The following KLF12 variants were observed in gnomAD, a reference collection of about 807,000 sequenced individuals.
KLF12 encodes KLF transcription factor 12, also known as Krueppel-like factor 12.
A neutral mutation model predicts 37.8 loss-of-function variants in KLF12; 9 were observed. The ratio of observed to expected loss-of-function variants is 0.24; its 90% CI spans 0.14 to 0.42. The LOEUF (loss-of-function observed/expected upper bound fraction) is 0.42. KLF12 is among the 10% of genes least tolerant of loss of function. The pLI, the probability that KLF12 is intolerant of heterozygous loss-of-function variation, is 1.00. For missense variants in KLF12, 411 were observed against 516.0 expected, an observed-to-expected ratio of 0.80 and a Z score of 1.97; for synonymous variants, 208 against 202.1, an observed-to-expected ratio of 1.03 and a Z score of -0.25.
chr13:73,760,855 G>A (rs1434875030), intron 6 of KLF12, among the ~76,000 whole-genome samples: 1 of 152,084 alleles, frequency 6.6e-6, no homozygotes, highest in Non-Finnish European at 1.5e-5. Context: ...AAAAGAAAGT[G>A]AAAATCTAAA....
At chr13:73,796,976 GT>G (rs1218125449) in intron 5 of KLF12, among the ~76,000 whole-genome samples, 9 of 152,122 alleles carry the variant, frequency 5.9e-5, no homozygotes, top group African/African-American at 2.2e-4. Flanking sequence ...CTAACTGGTG[GT>G]AAAAGGCATC....
intron 3 of KLF12, among the ~76,000 whole-genome samples, chr13:73,894,164 C>T (rs542271289): frequency 8.5e-5 from 13 of 152,174 alleles, no homozygotes; most frequent in African/African-American, 2.6e-4. Flanking sequence ...AGCAAGCAGA[C>T]GGGACATAGT....
intron 4 of KLF12, among the ~76,000 whole-genome samples, chr13:73,815,513 T>A (rs1883167471): frequency 6.6e-6 from 1 of 152,186 alleles, no homozygotes; most frequent in Non-Finnish European, 1.5e-5. Context: ...TAGCTTCTTT[T>A]GGGGCAATCC....
chr13:74,179,333 A>G, the KLF12 span, among the ~76,000 whole-genome samples: 1 of 152,230 alleles, frequency 6.6e-6, no homozygotes, highest in Non-Finnish European at 1.5e-5. Flanking sequence ...TATGTTCAAT[A>G]TGAATGGTTG....
At chr13:74,264,286 A>G in the KLF12 span, among the ~76,000 whole-genome samples, 1 of 152,206 alleles carries the variant, frequency 6.6e-6, no homozygotes, top group Non-Finnish European at 1.5e-5. Flanking sequence ...CAAATATTAA[A>G]TTCTTGGGTC....
intron 1 of KLF12, among the ~76,000 whole-genome samples, chr13:74,057,895 C>T (rs1024986197): frequency 6.6e-6 from 1 of 151,200 alleles, no homozygotes; most frequent in South Asian, 2.1e-4. Context: ...CAGATGAAAA[C>T]AGAGATAGAG....
At chr13:74,020,778 C>T (rs1206963832) in intron 1 of KLF12, among the ~76,000 whole-genome samples, 1 of 151,822 alleles carries the variant, frequency 6.6e-6, no homozygotes, top group Non-Finnish European at 1.5e-5. Flanking sequence ...GTAGTCCCAG[C>T]TACTCGGGAG....
intron 3 of KLF12, among the ~76,000 whole-genome samples, chr13:73,857,976 C>A (rs1191286738): frequency 1.3e-5 from 2 of 151,908 alleles, no homozygotes; most frequent in South Asian, 4.2e-4. Flanking sequence ...TAATTTTGTC[C>A]CCCCAAAGCA....
chr13:73,820,315 T>C (rs1325580233), intron 4 of KLF12, among the ~76,000 whole-genome samples: 2 of 152,204 alleles, frequency 1.3e-5, no homozygotes, highest in East Asian at 1.9e-4. Flanking sequence ...TCAAGGTCTA[T>C]GTGGCACGTC....
At chr13:73,902,494 T>A (rs1189229427) in intron 3 of KLF12, among the ~76,000 whole-genome samples, 1 of 152,194 alleles carries the variant, frequency 6.6e-6, no homozygotes, top group Non-Finnish European at 1.5e-5. Flanking sequence ...CTTACCCAAG[T>A]TCACAGACGT....
the KLF12 span, among the ~76,000 whole-genome samples, chr13:74,233,510 T>A: frequency 6.6e-6 from 1 of 152,252 alleles, no homozygotes; most frequent in South Asian, 2.1e-4. Context: ...CCCATGCAGA[T>A]TCATAATCTG....
At chr13:74,246,525 G>C in the KLF12 span, among the ~76,000 whole-genome samples, 10 of 152,240 alleles carry the variant, frequency 6.6e-5, no homozygotes, top group African/African-American at 2.2e-4. Context: ...ACCACTCTGT[G>C]CTTCTGAGAA....
chr13:74,214,729 A>C, the KLF12 span, among the ~76,000 whole-genome samples: 1 of 151,874 alleles, frequency 6.6e-6, no homozygotes, highest in Non-Finnish European at 1.5e-5. Flanking sequence ...CAGAGATGAG[A>C]TGTGCATTAA....
At chr13:73,807,407 C>G (rs574405517) in intron 5 of KLF12, among the ~76,000 whole-genome samples, 1 of 151,974 alleles carries the variant, frequency 6.6e-6, no homozygotes, top group East Asian at 1.9e-4. Context: ...TTTTAAAGAG[C>G]ATTTATGTAA....
chr13:74,148,232 A>G, the KLF12 span, among the ~76,000 whole-genome samples: 1 of 151,822 alleles, frequency 6.6e-6, no homozygotes, highest in Admixed American at 6.6e-5. Flanking sequence ...TCACTTTTGC[A>G]TCACTAGTTT....
intron 1 of KLF12, among the ~76,000 whole-genome samples, chr13:73,999,965 C>A (rs1359293555): frequency 6.6e-6 from 1 of 152,140 alleles, no homozygotes; most frequent in African/African-American, 2.4e-5. Context: ...GGAACATCAG[C>A]CTTAACACTT....
At chr13:74,057,749 T>G (rs1873328075) in intron 1 of KLF12, among the ~76,000 whole-genome samples, 1 of 151,996 alleles carries the variant, frequency 6.6e-6, no homozygotes, top group Non-Finnish European at 1.5e-5. Context: ...TGAGAGACAG[T>G]AACATCCTGA....
At chr13:74,254,413 A>G in the KLF12 span, among the ~76,000 whole-genome samples, 17 of 152,186 alleles carry the variant, frequency 1.1e-4, no homozygotes, top group Non-Finnish European at 2.1e-4. Context: ...TTGTGCAGTT[A>G]TGGTCTGTGA....
the KLF12 span, among the ~76,000 whole-genome samples, chr13:74,253,620 A>G: frequency 6.6e-6 from 1 of 152,208 alleles, no homozygotes; most frequent in Non-Finnish European, 1.5e-5. Flanking sequence ...TTTTTCAAAG[A>G]GATTAAAACC....
Sources: gnomAD v4.1 joint callset for allele counts (sites outside exome capture counted in the v4.1 genomes callset) on GRCh38, gnomAD v4.1.1 for gene constraint, MANE v1.5 for transcripts, NCBI Gene and HGNC (gene_info 2026-07-23, HGNC 2026-07-21) for gene names.